Variants in CPEB3 observed in about 807,000 individuals in gnomAD.
CPEB3 encodes cytoplasmic polyadenylation element-binding protein 3.
CPEB3 carries 20 observed loss-of-function variants against 67.2 expected under a neutral mutation model. The observed-to-expected ratio is 0.30, with a 90% CI of 0.21 to 0.43. CPEB3 has a LOEUF of 0.43. Ranked by LOEUF, CPEB3 falls within the 20% of genes least tolerant of loss-of-function variation. The probability of loss-of-function intolerance (pLI) is 1.00; values close to 1 mark genes in which losing one functional copy is unlikely to be tolerated. For missense variants in CPEB3, 746 were observed against 968.6 expected (o/e 0.77, Z 3.05); for synonymous variants, 376 against 393.1 (o/e 0.96, Z 0.51).
chr10:92,206,573 C>A (rs1340447635), intron 2 of CPEB3, among the ~76,000 whole-genome samples: 3 of 152,096 alleles, frequency 2.0e-5, no homozygotes, highest in South Asian at 4.1e-4. Flanking sequence ...TGCCAACACA[C>A]CTGGCTATTT....
At position 92,230,803 on chromosome 10, in the gene CPEB3, C is replaced by T. The variant is rs940700793; in HGVS notation, c.1005+8543G>A. 6.6e-5 allele frequency among the ~76,000 whole-genome samples: 10 copies of T among 152,168 alleles called. 1 individual carries two copies. Among genetic ancestry groups the T allele is most frequent in the Non-Finnish European group, 1.2e-4 (8 of 68,030 alleles). ...GTGAAGCTGGTTTCTACTGCAAGTA[C>T]AGCAACCTTCCCAGGAAAGCCTCCT... On this transcript the variant is annotated intron_variant, in intron 2 of 9. Transcript: ENST00000265997.
At chr10:92,160,869 C>A (rs1181899332) in intron 4 of CPEB3, among the ~76,000 whole-genome samples, 1 of 152,128 alleles carries the variant, frequency 6.6e-6, no homozygotes, top group Non-Finnish European at 1.5e-5. Flanking sequence ...GGAAGAGTTA[C>A]AAAAGACCTA....
intron 4 of CPEB3, among the ~76,000 whole-genome samples, chr10:92,178,102 G>A (rs758373044): frequency 5.7e-4 from 86 of 151,324 alleles, no homozygotes; most frequent in Non-Finnish European, 1.1e-3. Context: ...TAGTCCCTTC[G>A]ATAATCACAA....
chr10:92,050,284 G>A lies in CPEB3; in HGVS notation c.*1928C>T, dbSNP rs1285468290. The stretch of plus-strand genomic sequence containing the variant: ...TTTTAATCCAGTAAAAAACTATTTT[G>A]TTTTTCCTTTTTGAAAACAAACTAT... On this transcript the variant is annotated 3_prime_UTR_variant, in exon 10 of 10. Coordinates refer to ENST00000265997, the MANE Select transcript of CPEB3 (RefSeq NM_014912.5). The A allele has an allele frequency of 6.6e-6, 1 of 152,516 alleles. No individual in the cohort carries two copies. The highest frequency in any genetic ancestry group is 6.5e-5 in the Admixed American group (1 of 15,276). The allele number at this position is 152,516 out of a possible 1,614,324, so 9.4% of individuals were successfully genotyped here.
At chr10:92,146,141 A>G (rs1677193137) in intron 4 of CPEB3, among the ~76,000 whole-genome samples, 1 of 152,212 alleles carries the variant, frequency 6.6e-6, no homozygotes, top group African/African-American at 2.4e-5. Flanking sequence ...AATTATTTTC[A>G]TTAATTCTAT....
intron 3 of CPEB3, among the ~76,000 whole-genome samples, chr10:92,181,367 C>CAAAAAAAA (rs55896574): frequency 1.2e-4 from 11 of 95,410 alleles, no homozygotes; most frequent in Non-Finnish European, 1.9e-4. Flanking sequence ...ATTCAAGCAG[C>CAAAAAAAA]AAAAAAAAAA....
At chr10:92,115,008 G>A (rs1395588363) in intron 6 of CPEB3, among the ~76,000 whole-genome samples, 1 of 152,226 alleles carries the variant, frequency 6.6e-6, no homozygotes, top group Non-Finnish European at 1.5e-5. Flanking sequence ...CTTTCAGCCG[G>A]CAGAGCCGCC....
At chr10:92,143,322 T>C (rs1261485877) in intron 5 of CPEB3, among the ~76,000 whole-genome samples, 1 of 152,234 alleles carries the variant, frequency 6.6e-6, no homozygotes, top group Non-Finnish European at 1.5e-5. Flanking sequence ...ATGCAAAGTG[T>C]GTTTCTAACT....
chr10:92,182,324 C>T (rs1243447352), intron 3 of CPEB3, among the ~76,000 whole-genome samples: 1 of 152,080 alleles, frequency 6.6e-6, no homozygotes, highest in African/African-American at 2.4e-5. Context: ...TGGTAAACTC[C>T]GTTACAGGGG....
intron 4 of CPEB3, among the ~76,000 whole-genome samples, chr10:92,178,115 C>A (rs943652744): frequency 6.6e-6 from 1 of 151,808 alleles, no homozygotes; most frequent in Non-Finnish European, 1.5e-5. Context: ...AATCACAATT[C>A]TGAATTAACA....
At chr10:92,127,727 G>A (rs577996544) in intron 6 of CPEB3, among the ~76,000 whole-genome samples, 15 of 152,212 alleles carry the variant, frequency 9.9e-5, no homozygotes, top group Admixed American at 4.6e-4. Context: ...TCAGAAAAAA[G>A]GAAGTACTAA....
intron 2 of CPEB3, among the ~76,000 whole-genome samples, chr10:92,208,412 T>C (rs780359647): frequency 2.6e-5 from 4 of 152,150 alleles, no homozygotes; most frequent in African/African-American, 4.8e-5. Flanking sequence ...TTAATGTTAA[T>C]AGTTTTCAAG....
At chr10:92,081,774 G>A (rs1843163047) in intron 8 of CPEB3, among the ~76,000 whole-genome samples, 1 of 152,168 alleles carries the variant, frequency 6.6e-6, no homozygotes, top group African/African-American at 2.4e-5. Flanking sequence ...TAGAAGAAAT[G>A]AACTACCAGT....
At chr10:92,087,838 T>C (rs1391285210) in intron 8 of CPEB3, among the ~76,000 whole-genome samples, 1 of 152,096 alleles carries the variant, frequency 6.6e-6, no homozygotes, top group Non-Finnish European at 1.5e-5. Flanking sequence ...AGTGGCAACG[T>C]GTTGTACTTC....
intron 2 of CPEB3, among the ~76,000 whole-genome samples, chr10:92,222,756 TG>T (rs1035161126): frequency 6.6e-6 from 1 of 152,178 alleles, no homozygotes; most frequent in African/African-American, 2.4e-5. Flanking sequence ...GCAGTTCTGA[TG>T]GCTCCTGTAC....
At chr10:92,218,759 G>A (rs1373637906) in intron 2 of CPEB3, among the ~76,000 whole-genome samples, 1 of 151,748 alleles carries the variant, frequency 6.6e-6, no homozygotes, top group African/African-American at 2.4e-5. Context: ...ATGAAGAGAT[G>A]CTCTCATTCA....
Position 92,105,715 on chromosome 10 carries a change from G to GTTTTTTT in CPEB3, c.1572+5354_1572+5360dup, listed in dbSNP as rs999673116. On this transcript the variant is annotated intron_variant, in intron 7 of 9. Coordinates refer to ENST00000265997, the MANE Select transcript of CPEB3 (RefSeq NM_014912.5). Reference sequence around the variant, plus strand: ...GTGTATTTATATACTTGTTTTGTGGGTTTTTTTTTTTTTTTTTTTTCTGAG... The same window carrying GTTTTTTT: ...GTGTATTTATATACTTGTTTTGTGGGTTTTTTTTTTTTTTTTTTTTTTTTTTTCTGAG... 9.1e-5 allele frequency among the ~76,000 whole-genome samples: 10 copies of GTTTTTTT among 109,730 alleles called. 1 individual carries two copies. Among genetic ancestry groups the GTTTTTTT allele is most frequent in the East Asian group, 2.5e-4 (1 of 3,964 alleles). 72.0% of individuals were successfully genotyped at this position (109,730 alleles called of 152,430 possible).
intron 9 of CPEB3, chr10:92,076,152 C>A (rs750204211): frequency 3.3e-5 from 5 of 152,168 alleles, no homozygotes; most frequent in Non-Finnish European, 5.9e-5. Flanking sequence ...AAATTCACTG[C>A]ATCTATATTT....
intron 4 of CPEB3, among the ~76,000 whole-genome samples, chr10:92,175,372 T>C (rs146720526): frequency 3.0e-3 from 454 of 152,174 alleles, no homozygotes; most frequent in Non-Finnish European, 4.6e-3. Context: ...TACCACAATT[T>C]GTTTATCCAC....
Sources: allele counts gnomAD v4.1 joint callset (sites outside exome capture counted in the v4.1 genomes callset), GRCh38; gene constraint gnomAD v4.1.1; transcripts MANE v1.5; gene names NCBI Gene and HGNC (gene_info 2026-07-23, HGNC 2026-07-21).